The following LANCL3 variants were observed in gnomAD, a reference collection of about 807,000 sequenced individuals.
LANCL3 encodes LanC like family member 3.
LANCL3 carries 19 observed loss-of-function variants against 26.5 expected under a neutral mutation model. That is an observed-to-expected ratio of 0.72 (90% confidence interval 0.50 to 1.05). The LOEUF is 1.05. Among genes scored for constraint, LANCL3 ranks in the 50% least tolerant of loss-of-function variants. The pLI is 0.00. For missense variants in LANCL3, 318 were observed against 362.7 expected, an observed-to-expected ratio of 0.88 and a Z score of 1.00; for synonymous variants, 160 against 166.6, an observed-to-expected ratio of 0.96 and a Z score of 0.30.
At chrX:37,623,281 C>T (rs1925219004) in intron 1 of LANCL3, among the ~76,000 whole-genome samples, 1 of 111,836 alleles carries the variant, frequency 8.9e-6, no homozygotes, top group South Asian at 3.8e-4. Flanking sequence ...TTCTCCTGAA[C>T]CAGCTATAAC....
chrX:37,670,268 T>C (rs1786055495), intron 4 of LANCL3, among the ~76,000 whole-genome samples: 1 of 112,061 alleles, frequency 8.9e-6, no homozygotes, highest in South Asian at 3.7e-4. Flanking sequence ...ATGTATGCTG[T>C]AAATACCTTC....
chrX:37,582,176 C>G (rs782585396), intron 1 of LANCL3, among the ~76,000 whole-genome samples: 17 of 112,244 alleles, frequency 1.5e-4, no homozygotes, highest in African/African-American at 5.2e-4. Context: ...TTAATCCAGT[C>G]TATCATTGAT....
intron 1 of LANCL3, among the ~76,000 whole-genome samples, chrX:37,601,415 C>T (rs1279116011): frequency 8.9e-6 from 1 of 111,983 alleles, no homozygotes; most frequent in Non-Finnish European, 1.9e-5. Flanking sequence ...TCTCAAGGAG[C>T]ACATTACAGT....
chrX:37,624,470 C>T (rs1454994077), intron 1 of LANCL3, among the ~76,000 whole-genome samples: 1 of 111,614 alleles, frequency 9.0e-6, no homozygotes, highest in Non-Finnish European at 1.9e-5. Flanking sequence ...ATTTTGCTAA[C>T]ATATATAAAA....
chrX:37,642,657 C>T (rs1168860367), intron 1 of LANCL3, among the ~76,000 whole-genome samples: 2 of 111,995 alleles, frequency 1.8e-5, no homozygotes, highest in African/African-American at 6.5e-5. Flanking sequence ...GCAGATTCCT[C>T]CATTGATCAA....
intron 1 of LANCL3, among the ~76,000 whole-genome samples, chrX:37,580,972 G>A (rs549715434): frequency 8.9e-6 from 1 of 111,897 alleles, no homozygotes; most frequent in East Asian, 2.8e-4. Context: ...ATTTCAATTG[G>A]TGATCCTCAT....
chrX:37,598,237 G>T (rs781905188), intron 1 of LANCL3, among the ~76,000 whole-genome samples: 1 of 111,579 alleles, frequency 9.0e-6, no homozygotes, highest in African/African-American at 3.3e-5. Context: ...AGAAGACTTT[G>T]TCTAAATTGA....
Position 37,659,525 on chromosome X carries a change from C to T in LANCL3, c.761C>T (p.Pro254Leu), listed in dbSNP as rs1556432090. Residue 254 changes from proline to leucine, a missense_variant, in exon 3 of 5, where the codon CCC (proline) becomes CTC (leucine). Coordinates refer to ENST00000378619, the MANE Select transcript of LANCL3 (RefSeq NM_001170331.2). ...CTTTCTTACCATGAGCATCTCAAGC[C>T]CTCAGATCGGGAATTGGTATGGCAG... ...MLLSYHEHLK[P>L]SDRELVWQSV... The T allele has an allele frequency of 2.5e-6, 3 of 1,210,277 alleles. No individual in the cohort carries two copies. The highest frequency in any genetic ancestry group is 3.4e-6 in the Non-Finnish European group (3 of 894,713).
At chrX:37,583,041 C>T (rs1315179014) in intron 1 of LANCL3, among the ~76,000 whole-genome samples, 2 of 111,807 alleles carry the variant, frequency 1.8e-5, no homozygotes, top group African/African-American at 6.5e-5. Context: ...ATATGGCTAG[C>T]CAGTTTTCCC....
intron 1 of LANCL3, among the ~76,000 whole-genome samples, chrX:37,625,711 T>G (rs782005936): frequency 4.7e-5 from 5 of 105,947 alleles, no homozygotes; most frequent in African/African-American, 1.4e-4. Context: ...GTCCTTGAAA[T>G]TTTTTTTTTT....
intron 1 of LANCL3, among the ~76,000 whole-genome samples, chrX:37,588,832 C>G (rs1237034865): frequency 1.8e-5 from 2 of 111,874 alleles, no homozygotes; most frequent in South Asian, 3.7e-4. Context: ...TGAGAGGTGG[C>G]AAAACAAATA....
At chrX:37,600,986 A>G (rs782308980) in intron 1 of LANCL3, among the ~76,000 whole-genome samples, 48 of 112,077 alleles carry the variant, frequency 4.3e-4, no homozygotes, top group African/African-American at 1.4e-3. Context: ...TAGGGATACT[A>G]TTCGTGTTGG....
intron 1 of LANCL3, among the ~76,000 whole-genome samples, chrX:37,614,953 T>C (rs782250443): frequency 6.2e-5 from 7 of 112,569 alleles, no homozygotes; most frequent in Admixed American, 3.8e-4. Context: ...TGAGCACTTA[T>C]GTGTTATGCC....
At chrX:37,599,413 T>C (rs1924523504) in intron 1 of LANCL3, among the ~76,000 whole-genome samples, 1 of 112,004 alleles carries the variant, frequency 8.9e-6, no homozygotes, top group Admixed American at 9.5e-5. Context: ...TACATAGATC[T>C]GGGGTAGGGT....
chrX:37,665,633 A>G (rs193217232), intron 3 of LANCL3, among the ~76,000 whole-genome samples: 21 of 112,389 alleles, frequency 1.9e-4, no homozygotes, highest in African/African-American at 6.8e-4. Flanking sequence ...CCTGAAGGGT[A>G]GGAGTCATGT....
chrX:37,652,395 C>T (rs1356960225), intron 1 of LANCL3, among the ~76,000 whole-genome samples: 1 of 111,405 alleles, frequency 9.0e-6, no homozygotes, highest in East Asian at 2.8e-4. Context: ...CTTTATTGCC[C>T]TCTTGTCTCT....
chrX:37,604,966 T>C (rs1286298231), intron 1 of LANCL3, among the ~76,000 whole-genome samples: 1 of 112,151 alleles, frequency 8.9e-6, no homozygotes, highest in African/African-American at 3.2e-5. Context: ...GAGAGATGCA[T>C]TGAGATGTGT....
intron 4 of LANCL3, among the ~76,000 whole-genome samples, chrX:37,674,311 G>A (rs1161314863): frequency 1.8e-5 from 2 of 111,792 alleles, no homozygotes; most frequent in Admixed American, 1.9e-4. Context: ...TACTCTTGTT[G>A]CAGATATTGT....
intron 4 of LANCL3, among the ~76,000 whole-genome samples, chrX:37,668,756 T>G (rs1261501671): frequency 8.9e-6 from 1 of 111,833 alleles, no homozygotes; most frequent in Non-Finnish European, 1.9e-5. Flanking sequence ...TTGTGAAGAT[T>G]CCCACTGAAA....
Sources: allele counts gnomAD v4.1 joint callset (sites outside exome capture counted in the v4.1 genomes callset), GRCh38; gene constraint gnomAD v4.1.1; transcripts MANE v1.5; gene names NCBI Gene and HGNC (gene_info 2026-07-23, HGNC 2026-07-21).